Variants in KIN observed in about 807,000 individuals in gnomAD.
The protein encoded by KIN is DNA/RNA-binding protein KIN17.
In KIN, 47 loss-of-function variants were observed where a neutral mutation model predicts 63.0. The observed-to-expected ratio is 0.75, with a 90% CI of 0.59 to 0.95. KIN has a LOEUF of 0.95. KIN is among the 40% of genes least tolerant of loss of function. The probability of loss-of-function intolerance (pLI) is 0.00; values close to 1 mark genes in which losing one functional copy is unlikely to be tolerated. For missense variants in KIN, 408 were observed against 460.9 expected, an observed-to-expected ratio of 0.89 and a Z score of 1.05; for synonymous variants, 160 against 157.7, an observed-to-expected ratio of 1.01 and a Z score of -0.11.
At chr10:7,759,338 T>A (rs1207830046) in intron 12 of KIN, among the ~76,000 whole-genome samples, 1 of 152,174 alleles carries the variant, frequency 6.6e-6, no homozygotes, top group Admixed American at 6.5e-5. Context: ...AATAACCAAC[T>A]TTATTTATAA....
At chr10:7,783,937 G>A (rs1004900746) in intron 1 of KIN, among the ~76,000 whole-genome samples, 1 of 151,810 alleles carries the variant, frequency 6.6e-6, no homozygotes, top group South Asian at 2.1e-4. Context: ...CACTGACACC[G>A]TCCAGATTTC....
Position 7,774,878 on chromosome 10 carries a change from CAAATTAAACGTGACTAGAAGAAA to C in KIN, c.608-10_620del. The C allele has an allele frequency of 6.2e-7, 1 of 1,612,452 alleles. No individual in the cohort carries two copies. The highest frequency in any genetic ancestry group is 1.7e-4 in the Middle Eastern group (1 of 6,058). ...CGGATGAGCTACATGCTCCTTTACT[CAAATTAAACGTGACTAGAAGAAA>C]AAAATGTTATTCCATACATACATTT... On this transcript the variant is annotated splice_acceptor_variant and splice_polypyrimidine_tract_variant and coding_sequence_variant and intron_variant, in exon 7 of 13. Transcript: ENST00000379562. LOFTEE classifies it high-confidence loss of function.
At chr10:7,761,577 T>A (rs967253642) in intron 11 of KIN, 5 of 152,214 alleles carry the variant, frequency 3.3e-5, no homozygotes, top group Non-Finnish European at 7.3e-5. Flanking sequence ...ATCTTTTGAG[T>A]GCTGACATCA....
chr10:7,771,290 G>T (rs1835661602), intron 7 of KIN, among the ~76,000 whole-genome samples: 1 of 152,144 alleles, frequency 6.6e-6, no homozygotes, highest in Non-Finnish European at 1.5e-5. Flanking sequence ...GAGGAGTTAG[G>T]ATTAAGCAGT....
Position 7,754,291 on chromosome 10 carries a change from T to C in KIN, c.*1789A>G. On this transcript the variant is annotated 3_prime_UTR_variant, in exon 13 of 13. Coordinates refer to ENST00000379562, the MANE Select transcript of KIN (RefSeq NM_012311.4). ...ACGAGGCTGCAGTGAGCCATGATTGTGCCACTGCACTCCAGGCTGGATGAC... is the reference window on the plus strand; with the variant it reads ...ACGAGGCTGCAGTGAGCCATGATTGCGCCACTGCACTCCAGGCTGGATGAC... 1.2e-5 allele frequency: 4 copies of C among 340,038 alleles called. No individual in the cohort carries two copies. Among genetic ancestry groups the C allele is most frequent in the Non-Finnish European group, 1.7e-5 (3 of 171,642 alleles). The allele number at this position is 340,038 out of a possible 1,614,324, so 21.1% of individuals were successfully genotyped here.
chr10:7,766,186 C>G, intron 8 of KIN, 83 bp from the exon 9 acceptor site: 5 of 914,308 alleles, frequency 5.5e-6, no homozygotes, highest in Non-Finnish European at 8.6e-6. Context: ...CAAAATAACA[C>G]CATAAAACTG....
chr10:7,770,057 A>G (rs1415376787), intron 7 of KIN, among the ~76,000 whole-genome samples: 1 of 152,064 alleles, frequency 6.6e-6, no homozygotes, highest in Non-Finnish European at 1.5e-5. Context: ...CAGCCTCCCA[A>G]GTAGCTGGGA....
rs1015572671 is a variant in KIN at position 7,754,894 on chromosome 10, C to A, written c.*1186G>T. On this transcript the variant is annotated 3_prime_UTR_variant, in exon 13 of 13. Transcript: ENST00000379562. Reference sequence around the variant, plus strand: ...GCACAGGCAAATGTGGGTTTCCTGTCTTTTGCATTCCCTAATAATACACTG... The same window carrying A: ...GCACAGGCAAATGTGGGTTTCCTGTATTTTGCATTCCCTAATAATACACTG... 2.0e-5 allele frequency: 3 copies of A among 152,098 alleles called. No homozygotes were observed. The highest frequency in any genetic ancestry group is 6.6e-5 in the Admixed American group (1 of 15,258). The allele number at this position is 152,098 out of a possible 1,614,324, so 9.4% of individuals were successfully genotyped here.
chr10:7,781,913 C>T (rs528103798), intron 2 of KIN, among the ~76,000 whole-genome samples: 15 of 152,042 alleles, frequency 9.9e-5, no homozygotes, highest in South Asian at 4.2e-4. Context: ...AAAAAATTAG[C>T]GGAGCGTGGT....
chr10:7,759,849 A>T, intron 12 of KIN, 41 bp downstream of exon 12: 1 of 1,012,100 alleles, frequency 9.9e-7, no homozygotes, highest in Non-Finnish European at 1.5e-6. Context: ...GCACATTTTT[A>T]AAGCATTTTG....
At chr10:7,764,797 C>T (rs1835505685) in intron 9 of KIN, among the ~76,000 whole-genome samples, 2 of 152,204 alleles carry the variant, frequency 1.3e-5, no homozygotes, top group Admixed American at 1.3e-4. Context: ...TAATTCATTA[C>T]ATCACTGTAC....
At chr10:7,777,532 C>T (rs1245687442) in intron 5 of KIN, among the ~76,000 whole-genome samples, 1 of 152,146 alleles carries the variant, frequency 6.6e-6, no homozygotes, top group Non-Finnish European at 1.5e-5. Context: ...GCTCAATAAC[C>T]AGTTCAAAAA....
At position 7,787,521 on chromosome 10, in the gene KIN, A is replaced by T. The variant is rs17553871; in HGVS notation, c.114+299T>A. On this transcript the variant is annotated intron_variant, in intron 1 of 12. Coordinates refer to ENST00000379562, the MANE Select transcript of KIN (RefSeq NM_012311.4). ...GCATTGCCCGGGCGTCTAGTATTGCAGTATCCCCGCCCCTGTGAGGGGTGC... is the reference window on the plus strand; with the variant it reads ...GCATTGCCCGGGCGTCTAGTATTGCTGTATCCCCGCCCCTGTGAGGGGTGC... Among the ~76,000 whole-genome samples, 26 of 152,306 alleles carry T rather than the reference A, an allele frequency of 1.7e-4. 1 individual carries two copies. In the East Asian group the frequency reaches 4.6e-3, roughly 27 times the overall value.
chr10:7,766,224 A>C, intron 8 of KIN, 121 bp from the exon 9 acceptor site: 2 of 566,536 alleles, frequency 3.5e-6, no homozygotes, highest in East Asian at 3.1e-5. Flanking sequence ...CAGAAGACCA[A>C]TGACATAATT....
rs79065071 is a variant in KIN, at chr10:7,770,128, G to A, written c.669-783C>T. ...GTATTTTTAGTAGAGATGGGGTTTC[G>A]CAATGTTGGCCAGGCTGGTCTTGAA... On this transcript the variant is annotated intron_variant, in intron 7 of 12. Coordinates refer to ENST00000379562, the MANE Select transcript of KIN (RefSeq NM_012311.4). Among the ~76,000 whole-genome samples, 111 of 152,196 alleles carry A rather than the reference G, an allele frequency of 7.3e-4. No homozygotes were observed. In the East Asian group the frequency reaches 0.015, roughly 20 times the overall value.
intron 10 of KIN, 140 bp downstream of exon 10, chr10:7,763,583 C>T (rs1835480700): frequency 1.6e-6 from 1 of 613,302 alleles, no homozygotes. Context: ...ATGAATTCAG[C>T]TTCCATTTCA....
At chr10:7,781,587 T>TACACAGAC (rs1554771215) in intron 2 of KIN, among the ~76,000 whole-genome samples, 1 of 140,628 alleles carries the variant, frequency 7.1e-6, no homozygotes, top group South Asian at 2.3e-4. Context: ...ACCCTGTCTC[T>TACACAGAC]ACACACACAC....
In KIN at chr10:7,755,936, T is replaced by TGAA; in HGVS notation, c.*141_*143dup. On this transcript the variant is annotated 3_prime_UTR_variant, in exon 13 of 13. Coordinates refer to ENST00000379562, the MANE Select transcript of KIN (RefSeq NM_012311.4). ...AATTAAATTCTTCTCAAAGTTTAGC[T>TGAA]GAACAACTATACAGTAATATTTTCA... is the stretch of plus-strand genomic sequence containing the variant. The TGAA allele has an allele frequency of 3.4e-6, 1 of 290,008 alleles. No individual in the cohort carries two copies. Among genetic ancestry groups the TGAA allele is most frequent in the Non-Finnish European group, 5.9e-6 (1 of 168,240 alleles). The allele number at this position is 290,008 out of a possible 1,614,324, so 18.0% of individuals were successfully genotyped here.
chr10:7,754,321 C>A lies in KIN; in HGVS notation c.*1759G>T. The A allele has an allele frequency of 3.3e-6, 1 of 303,014 alleles. No individual in the cohort carries two copies. The highest frequency in any genetic ancestry group is 6.6e-6 in the Non-Finnish European group (1 of 151,440). The allele number at this position is 303,014 out of a possible 1,614,324, so 18.8% of individuals were successfully genotyped here. On this transcript the variant is annotated 3_prime_UTR_variant, in exon 13 of 13. Transcript: ENST00000379562. ...CTGCACTCCAGGCTGGATGACAGAG[C>A]AAGACCCTATCTCAAAAAACAGAAC...
Sources: gnomAD v4.1 joint callset for allele counts (sites outside exome capture counted in the v4.1 genomes callset) on GRCh38, gnomAD v4.1.1 for gene constraint, MANE v1.5 for transcripts, NCBI Gene and HGNC (gene_info 2026-07-23, HGNC 2026-07-21) for gene names.